ASPH: variants seen among roughly 807,000 people sequenced by gnomAD.
ASPH encodes aspartyl/asparaginyl beta-hydroxylase.
ASPH carries 100 observed loss-of-function variants against 118.4 expected under a neutral mutation model. The ratio of observed to expected loss-of-function variants is 0.84; its 90% CI spans 0.72 to 1.00. The LOEUF is 1.00. Among genes scored for constraint, ASPH ranks in the 50% least tolerant of loss-of-function variants. The pLI, the probability that ASPH is intolerant of heterozygous loss-of-function variation, is 0.00. For missense variants in ASPH, 920 were observed against 919.5 expected (o/e 1.00, Z -0.01); for synonymous variants, 315 against 325.6 (o/e 0.97, Z 0.35).
intron 1 of ASPH, among the ~76,000 whole-genome samples, chr8:61,702,280 CTTTTT>C (rs71257379): frequency 8.1e-6 from 1 of 123,378 alleles, no homozygotes; most frequent in Non-Finnish European, 1.7e-5. Flanking sequence ...ATAGCTACTT[CTTTTT>C]TTTTTTTTTT....
At chr8:61,607,290 C>A in intron 14 of ASPH, 2 of 702,206 alleles carry the variant, frequency 2.8e-6, no homozygotes, top group Non-Finnish European at 5.2e-6. Flanking sequence ...ATGGTGCAAG[C>A]CGCCTGGCTT....
At chr8:61,563,901 G>A (rs1207508643) in intron 17 of ASPH, among the ~76,000 whole-genome samples, 1 of 152,192 alleles carries the variant, frequency 6.6e-6, no homozygotes, top group African/African-American at 2.4e-5. Flanking sequence ...ACCCTGTTGT[G>A]TTGTGACCAA....
rs1810628451 is a variant in ASPH at position 61,650,898 on chromosome 8, C to T, written c.490+152G>A. ...AGTAAGTTTAGTGCTATTTCAAAAA[C>T]AACACCTGCTATCTAACTTTGAATT... On this transcript the variant is annotated intron_variant, in intron 5 of 24. Transcript: ENST00000379454. 3 of 693,990 alleles carry T rather than the reference C, an allele frequency of 4.3e-6. No homozygotes were observed. In the South Asian group the frequency reaches 6.0e-5, roughly 14 times the overall value. The allele number at this position is 693,990 out of a possible 1,614,324, so 43.0% of individuals were successfully genotyped here.
intron 1 of ASPH, among the ~76,000 whole-genome samples, chr8:61,703,796 A>C (rs1292190677): frequency 6.6e-6 from 1 of 151,908 alleles, no homozygotes; most frequent in Non-Finnish European, 1.5e-5. Context: ...GGATACACAA[A>C]GTATCTACAC....
rs528296012 is a variant in ASPH, at chr8:61,637,806, G to C, written c.889+141C>G. The C allele has an allele frequency of 3.9e-5, 28 of 715,280 alleles. 1 individual carries two copies. The South Asian group carries it at 5.2e-4, about 13-fold the overall frequency. The allele number at this position is 715,280 out of a possible 1,614,324, so 44.3% of individuals were successfully genotyped here. A position where few individuals can be genotyped will look rare whatever the true frequency, so the allele number is the denominator to read the frequency against. ...GGAATGCCAGCCCCAATGAAAAGAGGACTCTGTGTTTTCTTCCCTCTTGTA... is the reference window on the plus strand; with the variant it reads ...GGAATGCCAGCCCCAATGAAAAGAGCACTCTGTGTTTTCTTCCCTCTTGTA... On this transcript the variant is annotated intron_variant, in intron 12 of 24. Transcript: ENST00000379454.
At chr8:61,676,209 C>A (rs756130646) in intron 3 of ASPH, 4 of 1,598,466 alleles carry the variant, frequency 2.5e-6, no homozygotes, top group African/African-American at 1.3e-5. Flanking sequence ...GTCATTATAT[C>A]ATAGAGAAAT....
At chr8:61,570,261 C>T (rs1459214319) in intron 16 of ASPH, among the ~76,000 whole-genome samples, 1 of 152,134 alleles carries the variant, frequency 6.6e-6, no homozygotes, top group Non-Finnish European at 1.5e-5. Context: ...GGATATGATA[C>T]TGAAGTACAG....
intron 21 of ASPH, among the ~76,000 whole-genome samples, chr8:61,547,203 C>T (rs1824218857): frequency 6.6e-6 from 1 of 152,192 alleles, no homozygotes; most frequent in Admixed American, 6.5e-5. Context: ...ACCAAAGTCA[C>T]CAAGTAGAGA....
chr8:61,513,249 GTACTTC>G (rs1298638478), intron 24 of ASPH, among the ~76,000 whole-genome samples: 1 of 152,182 alleles, frequency 6.6e-6, no homozygotes, highest in Non-Finnish European at 1.5e-5. Flanking sequence ...CATGCCAAAA[GTACTTC>G]TACAATCATA....
Position 61,500,811 on chromosome 8 carries a change from A to AAAT in ASPH, c.*2545_*2547dup, listed in dbSNP as rs1484894152. ...ATATTTTAGTTAATAATGGGCAGTA[A>AAAT]AATATGATTTTACATTATTTTAAAT... On this transcript the variant is annotated 3_prime_UTR_variant, in exon 25 of 25. Coordinates refer to ENST00000379454, the MANE Select transcript of ASPH (RefSeq NM_004318.4). 2.0e-5 allele frequency: 3 copies of AAAT among 152,204 alleles called. No homozygotes were observed. The highest frequency in any genetic ancestry group is 4.1e-4 in the South Asian group (2 of 4,834). The allele number at this position is 152,204 out of a possible 1,614,324, so 9.4% of individuals were successfully genotyped here.
At position 61,517,527 on chromosome 8, in the gene ASPH, C is replaced by G; in HGVS notation, c.2126+1G>C. On this transcript the variant is annotated splice_donor_variant, in intron 24 of 24. Coordinates refer to ENST00000379454, the MANE Select transcript of ASPH (RefSeq NM_004318.4). LOFTEE classifies it high-confidence loss of function. The stretch of plus-strand genomic sequence containing the variant: ...TATGACGGATAACAGAGGACCCATA[C>G]TTGGTCTCGTTGGCACATCGAATCT... The G allele has an allele frequency of 6.2e-7, 1 of 1,613,908 alleles. No homozygotes were observed. The highest frequency in any genetic ancestry group is 1.3e-5 in the African/African-American group (1 of 75,044).
intron 21 of ASPH, among the ~76,000 whole-genome samples, chr8:61,535,453 G>C (rs929536500): frequency 6.6e-6 from 1 of 152,190 alleles, no homozygotes; most frequent in Non-Finnish European, 1.5e-5. Flanking sequence ...GTGACTAGCT[G>C]TTAAGAAAAA....
At chr8:61,585,284 A>G (rs1587681279) in intron 14 of ASPH, among the ~76,000 whole-genome samples, 1 of 152,206 alleles carries the variant, frequency 6.6e-6, no homozygotes, top group East Asian at 1.9e-4. Flanking sequence ...ATGGATGCAG[A>G]GCACTTCTCA....
At chr8:61,539,699 G>GATGTGTGTGTGTGT (rs1554618408) in intron 21 of ASPH, among the ~76,000 whole-genome samples, 6 of 124,214 alleles carry the variant, frequency 4.8e-5, no homozygotes, top group African/African-American at 1.7e-4. Flanking sequence ...ACACTTCTGG[G>GATGTGTGTGTGTGT]GTGTGTGTGT....
Position 61,643,373 on chromosome 8 carries a change from G to A in ASPH, c.757+13C>T, listed in dbSNP as rs1352543775. 2 of 1,596,824 alleles carry A rather than the reference G, an allele frequency of 1.3e-6. No homozygotes were observed. The highest frequency in any genetic ancestry group is 2.2e-5 in the East Asian group (1 of 44,570). ...GTAATATTTTAAATCTAATGAAAAT[G>A]CTCATCTAATACCTGTATCATGGTG... On this transcript the variant is annotated intron_variant, in intron 9 of 24. Coordinates refer to ENST00000379454, the MANE Select transcript of ASPH (RefSeq NM_004318.4).
intron 10 of ASPH, among the ~76,000 whole-genome samples, chr8:61,642,043 C>T (rs76023735): frequency 4.5e-4 from 68 of 152,310 alleles, no homozygotes; most frequent in African/African-American, 1.6e-3. Flanking sequence ...ATAAAATCTA[C>T]TTCATGGAGT....
chr8:61,503,327 T>C lies in ASPH; in HGVS notation c.*32A>G. Reference sequence around the variant, plus strand: ...GATGGAACCAGAAAGGCAGCCTCTCTCCAGAGTTTCCCAAGCTTGCATGAA... The same window carrying C: ...GATGGAACCAGAAAGGCAGCCTCTCCCCAGAGTTTCCCAAGCTTGCATGAA... On this transcript the variant is annotated 3_prime_UTR_variant, in exon 25 of 25. Coordinates refer to ENST00000379454, the MANE Select transcript of ASPH (RefSeq NM_004318.4). 6.3e-7 allele frequency: 1 copy of C among 1,583,808 alleles called. No individual in the cohort carries two copies. The highest frequency in any genetic ancestry group is 8.6e-7 in the Non-Finnish European group (1 of 1,161,144).
At chr8:61,552,993 C>T (rs550633891) in intron 20 of ASPH, 38 bp downstream of exon 20, 3 of 1,467,216 alleles carry the variant, frequency 2.0e-6, no homozygotes, top group Admixed American at 1.8e-5. Flanking sequence ...CAACTCCATC[C>T]TCTGTTAGAG....
At chr8:61,713,098 T>C (rs1439302528) in intron 1 of ASPH, among the ~76,000 whole-genome samples, 1 of 152,252 alleles carries the variant, frequency 6.6e-6, no homozygotes, top group Non-Finnish European at 1.5e-5. Flanking sequence ...TGAATTAATA[T>C]GCTTGCATTG....
Sources: gnomAD v4.1 joint callset for allele counts (sites outside exome capture counted in the v4.1 genomes callset) on GRCh38, gnomAD v4.1.1 for gene constraint, MANE v1.5 for transcripts, NCBI Gene and HGNC (gene_info 2026-07-23, HGNC 2026-07-21) for gene names.